NXPH1: variants seen among roughly 807,000 people sequenced by gnomAD.
NXPH1 encodes the protein neurexophilin 1.
Under a neutral mutation model 23.7 loss-of-function variants are expected in NXPH1, and 5 were observed. The observed-to-expected ratio is 0.21, with a 90% confidence interval of 0.11 to 0.44. NXPH1 has a LOEUF of 0.44. Ranked by LOEUF, NXPH1 falls within the 20% of genes least tolerant of loss-of-function variation. The pLI is 0.99. For synonymous variants in NXPH1, 144 were observed against 122.2 expected (o/e 1.18, Z -1.18); for missense variants, 324 against 321.6 (o/e 1.01, Z -0.06).
At chr7:8,532,793 A>G (rs1356493938) in intron 2 of NXPH1, among the ~76,000 whole-genome samples, 3 of 152,052 alleles carry the variant, frequency 2.0e-5, no homozygotes, top group Admixed American at 2.0e-4. Context: ...AGATAATTAC[A>G]TATTTTTATA....
At chr7:8,527,513 G>C (rs779153385) in intron 2 of NXPH1, among the ~76,000 whole-genome samples, 4 of 152,096 alleles carry the variant, frequency 2.6e-5, no homozygotes, top group Non-Finnish European at 5.9e-5. Context: ...ACCCATAGAG[G>C]GGTCAAGTTA....
At chr7:8,552,497 C>T (rs545448899) in intron 2 of NXPH1, among the ~76,000 whole-genome samples, 12 of 151,408 alleles carry the variant, frequency 7.9e-5, no homozygotes, top group African/African-American at 2.9e-4. Flanking sequence ...CATGTCTGCC[C>T]CGGGTACATA....
chr7:8,568,515 C>T (rs1392254636), intron 2 of NXPH1, among the ~76,000 whole-genome samples: 1 of 151,734 alleles, frequency 6.6e-6, no homozygotes, highest in Non-Finnish European at 1.5e-5. Context: ...TTTCTTTTCA[C>T]AGCATTATGA....
intron 2 of NXPH1, among the ~76,000 whole-genome samples, chr7:8,684,433 G>C (rs1821114084): frequency 6.6e-6 from 1 of 152,064 alleles, no homozygotes; most frequent in Non-Finnish European, 1.5e-5. Context: ...GCCATATTCT[G>C]GTTTTATTAA....
intron 2 of NXPH1, among the ~76,000 whole-genome samples, chr7:8,611,076 T>C (rs1185978081): frequency 6.6e-6 from 1 of 152,184 alleles, no homozygotes; most frequent in Non-Finnish European, 1.5e-5. Context: ...AAATTGCAAA[T>C]GAGTTATCAT....
intron 2 of NXPH1, among the ~76,000 whole-genome samples, chr7:8,619,300 A>G (rs1448137725): frequency 2.6e-5 from 4 of 152,162 alleles, no homozygotes; most frequent in Admixed American, 2.6e-4. Flanking sequence ...CTAATCTTCT[A>G]TTACCTCCAG....
At chr7:8,698,826 C>T (rs961370667) in intron 2 of NXPH1, among the ~76,000 whole-genome samples, 2 of 152,118 alleles carry the variant, frequency 1.3e-5, no homozygotes, top group Non-Finnish European at 2.9e-5. Flanking sequence ...TTCCCAGGAA[C>T]ACATAGCTAA....
intron 2 of NXPH1, among the ~76,000 whole-genome samples, chr7:8,559,045 T>G (rs753482278): frequency 2.6e-5 from 4 of 151,606 alleles, no homozygotes; most frequent in Non-Finnish European, 5.9e-5. Context: ...TAGCTTACTA[T>G]AACCTTCAAC....
At chr7:8,535,260 C>G (rs1382681955) in intron 2 of NXPH1, among the ~76,000 whole-genome samples, 1 of 151,168 alleles carries the variant, frequency 6.6e-6, no homozygotes, top group Non-Finnish European at 1.5e-5. Context: ...AGGTTTGTAC[C>G]AACAAAAAAA....
chr7:8,499,544 A>G (rs1817396559), intron 2 of NXPH1, among the ~76,000 whole-genome samples: 1 of 152,114 alleles, frequency 6.6e-6, no homozygotes, highest in Non-Finnish European at 1.5e-5. Flanking sequence ...TTATTGAGCT[A>G]CAAAAACAGA....
At chr7:8,642,873 T>C (rs1820340084) in intron 2 of NXPH1, among the ~76,000 whole-genome samples, 1 of 150,606 alleles carries the variant, frequency 6.6e-6, no homozygotes, top group Non-Finnish European at 1.5e-5. Context: ...TTTTCTTTTC[T>C]TATTTTTTTG....
At chr7:8,667,879 CTT>C (rs1156821556) in intron 2 of NXPH1, among the ~76,000 whole-genome samples, 2 of 151,870 alleles carry the variant, frequency 1.3e-5, no homozygotes, top group Non-Finnish European at 2.9e-5. Flanking sequence ...TTTTCATCCT[CTT>C]TTCTTTTTTC....
chr7:8,651,027 T>G (rs868153347), intron 2 of NXPH1, among the ~76,000 whole-genome samples: 9 of 151,240 alleles, frequency 6.0e-5, no homozygotes, highest in Middle Eastern at 3.4e-3. Context: ...AATGTGCAGG[T>G]TAGTTACATA....
chr7:8,464,173 T>A (rs962794233), intron 2 of NXPH1, among the ~76,000 whole-genome samples: 1 of 152,156 alleles, frequency 6.6e-6, no homozygotes, highest in Non-Finnish European at 1.5e-5. Context: ...AGTTCCACTT[T>A]AATAATCTAT....
At chr7:8,457,925 T>C (rs900953457) in intron 2 of NXPH1, among the ~76,000 whole-genome samples, 2 of 152,226 alleles carry the variant, frequency 1.3e-5, no homozygotes, top group African/African-American at 4.8e-5. Context: ...AGGCCAGGAA[T>C]GGTTCACTTT....
At chr7:8,564,477 T>C (rs1309347676) in intron 2 of NXPH1, among the ~76,000 whole-genome samples, 3 of 151,646 alleles carry the variant, frequency 2.0e-5, no homozygotes, top group Non-Finnish European at 3.0e-5. Context: ...TTGTGGGTGC[T>C]TAACAGCCAT....
chr7:8,572,175 C>G (rs1393052477), intron 2 of NXPH1, among the ~76,000 whole-genome samples: 5 of 151,758 alleles, frequency 3.3e-5, no homozygotes, highest in Admixed American at 2.6e-4. Flanking sequence ...ATCTGAAATT[C>G]AAAATTAAGT....
Position 8,751,631 on chromosome 7 carries a change from T to C in NXPH1, c.678T>C (p.His226=), listed in dbSNP as rs1175500480. 4.3e-6 allele frequency: 7 copies of C among 1,613,570 alleles called. No individual in the cohort carries two copies. Among genetic ancestry groups the C allele is most frequent in the Admixed American group, 3.3e-5 (2 of 59,872 alleles). ...GTTACCAGGAGCAAACCCAAAGTCA[T>C]GTATCCTGGCTCTGCTCCAAGCCCT... ...KTCYQEQTQS[H]VSWLCSKPFK... is the part of the protein sequence containing the mutation. Residue 226 remains histidine (H), a synonymous_variant, in exon 3 of 3, where the codon CAT becomes CAC. Coordinates refer to ENST00000405863, the MANE Select transcript of NXPH1 (RefSeq NM_152745.3). The surrounding 1 kb of genome is among the most constrained non-coding windows in gnomAD (Gnocchi z 4.5).
intron 2 of NXPH1, among the ~76,000 whole-genome samples, chr7:8,727,297 C>T (rs866131345): frequency 1.2e-4 from 16 of 131,412 alleles, no homozygotes; most frequent in Admixed American, 3.0e-4. Context: ...TGCCTATTCA[C>T]TCTGATGGTA....
Sources: allele counts gnomAD v4.1 joint callset (sites outside exome capture counted in the v4.1 genomes callset), GRCh38; gene constraint gnomAD v4.1.1; non-coding constraint Gnocchi (gnomAD v3.1); transcripts MANE v1.5; gene names NCBI Gene and HGNC (gene_info 2026-07-23, HGNC 2026-07-21).